CDIP1: variants seen among roughly 807,000 people sequenced by gnomAD.
CDIP1 encodes the protein cell death-inducing p53-target protein 1.
A neutral mutation model predicts 17.7 loss-of-function variants in CDIP1; 9 were observed. The ratio of observed to expected loss-of-function variants is 0.51; its 90% CI spans 0.31 to 0.89. The LOEUF (loss-of-function observed/expected upper bound fraction) is 0.89, where lower values mean the gene tolerates loss of function less well. Ranked by LOEUF, CDIP1 falls within the 40% of genes least tolerant of loss-of-function variation. The pLI is 0.05. For missense variants in CDIP1, 263 were observed against 277.9 expected (o/e 0.95, Z 0.38); for synonymous variants, 117 against 109.5 (o/e 1.07, Z -0.43).
intron 1 of CDIP1, among the ~76,000 whole-genome samples, chr16:4,529,153 T>C (rs2059029625): frequency 1.3e-5 from 2 of 152,134 alleles, no homozygotes; most frequent in South Asian, 4.1e-4. Context: ...GCCATAGGTC[T>C]CCCATGAGTT....
intron 1 of CDIP1, among the ~76,000 whole-genome samples, chr16:4,522,951 TTAAG>T (rs1184096989): frequency 1.3e-5 from 2 of 152,154 alleles, no homozygotes; most frequent in Admixed American, 6.5e-5. Context: ...GGTGTGAGAA[TTAAG>T]TAAGGCATGG....
Position 4,518,345 on chromosome 16 carries a change from C to G in CDIP1, c.-104-3681G>C, listed in dbSNP as rs537376556. Among the ~76,000 whole-genome samples the G allele has an allele frequency of 2.9e-3, 439 of 152,332 alleles. 2 individuals are homozygous for G. The highest frequency in any genetic ancestry group is 5.4e-3 in the Non-Finnish European group (369 of 68,032). ...GGGTGTAAGCCCACAGGGCATAGCCCTCCTTTGGTGTTCACCCAACCTGGG... is the reference window on the plus strand; with the variant it reads ...GGGTGTAAGCCCACAGGGCATAGCCGTCCTTTGGTGTTCACCCAACCTGGG... On this transcript the variant is annotated intron_variant, in intron 1 of 5. Transcript: ENST00000567695.
At position 4,513,956 on chromosome 16, in the gene CDIP1, C is replaced by G; in HGVS notation, c.85+90G>C. On this transcript the variant is annotated intron_variant, in intron 3 of 5. Transcript: ENST00000567695. This position sits in a 1 kb window ranked among gnomAD's most constrained non-coding sequence, Gnocchi z 4.1. ...ACACAGATGGGGCCCAGGGGTAACC[C>G]TGGAGTGGGCATCACCACTTAGAGA... 1 of 1,360,600 alleles carries G rather than the reference C, an allele frequency of 7.3e-7. No individual in the cohort carries two copies. The highest frequency in any genetic ancestry group is 1.0e-6 in the Non-Finnish European group (1 of 1,003,010). 84.3% of individuals were successfully genotyped at this position (1,360,600 alleles called of 1,614,324 possible). A position where few individuals can be genotyped will look rare whatever the true frequency, so the allele number is the denominator to read the frequency against.
Position 4,513,743 on chromosome 16 carries a change from C to G in CDIP1, c.194G>C (p.Gly65Ala), listed in dbSNP as rs1413261604. The stretch of plus-strand genomic sequence containing the variant: ...TGCACTCATGTGTGGTGGGATGAAG[C>G]CAGGCTGGGGCATTGGGTGACCCGG... ...EPPGHPMPQPGFIPPHMSADG... is the reference protein window; with the variant it reads ...EPPGHPMPQPAFIPPHMSADG... Residue 65 changes from glycine to alanine, a missense_variant, in exon 4 of 6, where the codon GGC becomes GCC. By Grantham distance (60) the Gly-to-Ala change is moderately conservative (BLOSUM62 0). Coordinates refer to ENST00000567695, the MANE Select transcript of CDIP1 (RefSeq NM_013399.3). The surrounding 1 kb of genome is among the most constrained non-coding windows in gnomAD (Gnocchi z 4.1). 3.1e-6 allele frequency: 5 copies of G among 1,613,482 alleles called. No homozygotes were observed. The highest frequency in any genetic ancestry group is 4.2e-6 in the Non-Finnish European group (5 of 1,179,722).
At chr16:4,535,448 C>A (rs2059097532) in intron 1 of CDIP1, among the ~76,000 whole-genome samples, 1 of 152,242 alleles carries the variant, frequency 6.6e-6, no homozygotes, top group African/African-American at 2.4e-5. Flanking sequence ...TCCTGGACCC[C>A]CTCACCCTGC....
chr16:4,518,118 G>A (rs1478610506), intron 1 of CDIP1, among the ~76,000 whole-genome samples: 1 of 152,184 alleles, frequency 6.6e-6, no homozygotes, highest in East Asian at 1.9e-4. Flanking sequence ...AGTCACTGAA[G>A]CACCTGCAGA....
At chr16:4,536,626 CG>C (rs2059108889) in intron 1 of CDIP1, 1 of 152,086 alleles carries the variant, frequency 6.6e-6, no homozygotes, top group Admixed American at 6.6e-5. Context: ...TCTAGAACCA[CG>C]GCTGGCTGCT....
In CDIP1 at chr16:4,513,049, G is replaced by A. The variant is rs747646221; in HGVS notation, c.257C>T (p.Pro86Leu). Reference protein sequence around the residue: ...TYMPPGFYPPPGPHPPMGYYP... With the variant: ...TYMPPGFYPPLGPHPPMGYYP... The stretch of plus-strand genomic sequence containing the variant: ...GTAGCCCATGGGTGGGTGGGGGCCT[G>A]GAGGAGGGTAGAAACCTGGAATGGC... Residue 86 changes from proline to leucine, a missense_variant, in exon 5 of 6, where the codon CCA (proline) becomes CTA (leucine). Physicochemically the swap from Pro to Leu is moderately conservative, Grantham distance 98 (BLOSUM62 -3). Coordinates refer to ENST00000567695, the MANE Select transcript of CDIP1 (RefSeq NM_013399.3). This position sits in a 1 kb window ranked among gnomAD's most constrained non-coding sequence, Gnocchi z 4.1. 6 of 1,593,036 alleles carry A rather than the reference G, an allele frequency of 3.8e-6. No homozygotes were observed. The highest frequency in any genetic ancestry group is 3.4e-5 in the South Asian group (3 of 88,160).
chr16:4,535,591 CCTGT>C (rs1488825838), intron 1 of CDIP1, among the ~76,000 whole-genome samples: 1 of 152,250 alleles, frequency 6.6e-6, no homozygotes, highest in Non-Finnish European at 1.5e-5. Flanking sequence ...GCCAGCAAGG[CCTGT>C]CTGTCACACA....
chr16:4,512,441 G>A lies in CDIP1; in HGVS notation c.*131C>T. 1.4e-6 allele frequency: 1 copy of A among 704,566 alleles called. No individual in the cohort carries two copies. The highest frequency in any genetic ancestry group is 2.6e-6 in the Non-Finnish European group (1 of 390,502). 43.6% of individuals were successfully genotyped at this position (704,566 alleles called of 1,614,324 possible). ...CGGCTCAGGTAGGGCAGGGTGAAGA[G>A]GACAGGACTTCTAGGGGATGGTGGC... On this transcript the variant is annotated 3_prime_UTR_variant, in exon 6 of 6. Transcript: ENST00000567695. This position sits in a 1 kb window ranked among gnomAD's most constrained non-coding sequence, Gnocchi z 4.6.
chr16:4,526,728 T>TA (rs2059005120), intron 1 of CDIP1, among the ~76,000 whole-genome samples: 1 of 148,812 alleles, frequency 6.7e-6, no homozygotes, highest in African/African-American at 2.5e-5. Context: ...AAAAATAAAA[T>TA]AAAAAATAAA....
chr16:4,520,392 C>T (rs1596488791), intron 1 of CDIP1, among the ~76,000 whole-genome samples: 4 of 152,106 alleles, frequency 2.6e-5, no homozygotes, highest in African/African-American at 4.8e-5. Context: ...TGTGAGCCAC[C>T]GCACTTGACC....
At chr16:4,530,447 C>T (rs1011787866) in intron 1 of CDIP1, among the ~76,000 whole-genome samples, 1 of 151,700 alleles carries the variant, frequency 6.6e-6, no homozygotes, top group Non-Finnish European at 1.5e-5. Flanking sequence ...GTCGGGAGTT[C>T]GAAACCAGCC....
chr16:4,522,105 A>C (rs1226857088), intron 1 of CDIP1, among the ~76,000 whole-genome samples: 1 of 152,158 alleles, frequency 6.6e-6, no homozygotes, highest in African/African-American at 2.4e-5. Flanking sequence ...AGGGACTTGC[A>C]ATCAAAACCC....
chr16:4,529,534 G>GA lies in CDIP1; in HGVS notation c.-105+9167dup, dbSNP rs148102741. Among the ~76,000 whole-genome samples the GA allele has an allele frequency of 2.9e-3, 435 of 152,240 alleles. 6 individuals carry two copies. The highest frequency in any genetic ancestry group is 1.0e-2 in the African/African-American group (414 of 41,528). On this transcript the variant is annotated intron_variant, in intron 1 of 5. Transcript: ENST00000567695. ...CAGGAGGGGAAATGCAGAGCAAAAG[G>GA]AAAAAATCAGACACAGCTCAACCAC...
At chr16:4,526,451 A>G (rs561203489) in intron 1 of CDIP1, among the ~76,000 whole-genome samples, 8 of 152,064 alleles carry the variant, frequency 5.3e-5, no homozygotes, top group African/African-American at 1.9e-4. Context: ...CTGTAATCCC[A>G]GCACTTTGGG....
At chr16:4,520,422 A>G (rs1467737783) in intron 1 of CDIP1, among the ~76,000 whole-genome samples, 1 of 152,180 alleles carries the variant, frequency 6.6e-6, no homozygotes, top group Non-Finnish European at 1.5e-5. Flanking sequence ...TAGTTTCTTA[A>G]GGGTTAGTTG....
At chr16:4,527,125 T>A (rs934449322) in intron 1 of CDIP1, among the ~76,000 whole-genome samples, 1 of 151,062 alleles carries the variant, frequency 6.6e-6, no homozygotes, top group Middle Eastern at 3.2e-3. Context: ...TCTCGCACTG[T>A]CGCCCAGGCT....
chr16:4,528,506 A>G (rs538045944), intron 1 of CDIP1, among the ~76,000 whole-genome samples: 36 of 152,154 alleles, frequency 2.4e-4, no homozygotes, highest in South Asian at 2.1e-4. Context: ...GCACCTTTAC[A>G]TGACTCCTTC....
Sources: gnomAD v4.1 joint callset for allele counts (sites outside exome capture counted in the v4.1 genomes callset) on GRCh38, gnomAD v4.1.1 for gene constraint, Gnocchi (gnomAD v3.1) non-coding constraint, MANE v1.5 for transcripts, NCBI Gene and HGNC (gene_info 2026-07-23, HGNC 2026-07-21) for gene names.